The following CNTNAP2 variants were observed in gnomAD, a reference collection of about 807,000 sequenced individuals.
CNTNAP2 encodes the protein contactin associated protein 2.
CNTNAP2 carries 98 observed loss-of-function variants against 155.2 expected under a neutral mutation model. The observed-to-expected ratio is 0.63, with a 90% confidence interval of 0.54 to 0.75. The LOEUF is 0.75. CNTNAP2 is among the 30% of genes least tolerant of loss of function. The pLI, the probability that CNTNAP2 is intolerant of heterozygous loss-of-function variation, is 0.00. For missense variants in CNTNAP2, 1,727 were observed against 1,688.1 expected (o/e 1.02, Z -0.40); for synonymous variants, 651 against 631.2 (o/e 1.03, Z -0.47).
chr7:146,991,322 A>G (rs1348094551), intron 3 of CNTNAP2, among the ~76,000 whole-genome samples: 1 of 152,128 alleles, frequency 6.6e-6, no homozygotes, highest in Non-Finnish European at 1.5e-5. Context: ...AGAGAATTTA[A>G]TTCAAATGTA....
chr7:146,191,532 G>A (rs932733020), intron 1 of CNTNAP2, among the ~76,000 whole-genome samples: 5 of 149,744 alleles, frequency 3.3e-5, no homozygotes, highest in African/African-American at 1.2e-4. Context: ...TGCTAGGCAG[G>A]AATTTCCTCG....
chr7:146,678,283 G>A (rs1288136166), intron 1 of CNTNAP2, among the ~76,000 whole-genome samples: 1 of 151,802 alleles, frequency 6.6e-6, no homozygotes, highest in Non-Finnish European at 1.5e-5. Context: ...TGGCCGGGCT[G>A]GTTTAGTCTC....
chr7:146,617,242 C>T (rs1213964694), intron 1 of CNTNAP2, among the ~76,000 whole-genome samples: 2 of 152,146 alleles, frequency 1.3e-5, no homozygotes, highest in Admixed American at 1.3e-4. Context: ...ACCAAAGTTT[C>T]TTTGTCTATA....
At chr7:147,529,863 T>G (rs992928951) in intron 11 of CNTNAP2, among the ~76,000 whole-genome samples, 2 of 152,182 alleles carry the variant, frequency 1.3e-5, no homozygotes, top group African/African-American at 4.8e-5. Context: ...CATGAAAAAT[T>G]TATTCCAAAG....
intron 12 of CNTNAP2, among the ~76,000 whole-genome samples, chr7:147,570,224 T>C (rs1800261599): frequency 1.3e-5 from 2 of 152,310 alleles, no homozygotes; most frequent in Non-Finnish European, 1.5e-5. Flanking sequence ...CCCCATCATA[T>C]TTGATGGCCC....
rs528136771 is a variant in CNTNAP2, at chr7:146,781,454, T to C, written c.208+7073T>C. On this transcript the variant is annotated intron_variant, in intron 2 of 23. Coordinates refer to ENST00000361727, the MANE Select transcript of CNTNAP2 (RefSeq NM_014141.6). ...AAGTTCATAATTGCCACGATGCCTTTATACCACAGCTTGCTCAGATAATCA... is the reference window on the plus strand; with the variant it reads ...AAGTTCATAATTGCCACGATGCCTTCATACCACAGCTTGCTCAGATAATCA... Among the ~76,000 whole-genome samples the C allele has an allele frequency of 2.6e-5, 4 of 152,244 alleles. No homozygotes were observed. The South Asian group carries it at 8.3e-4, about 32-fold the overall frequency.
At chr7:147,382,431 G>C (rs1280984951) in intron 9 of CNTNAP2, among the ~76,000 whole-genome samples, 1 of 152,258 alleles carries the variant, frequency 6.6e-6, no homozygotes, top group East Asian at 1.9e-4. Context: ...GAAGTGCCAG[G>C]ATCAACTCTT....
At chr7:146,679,347 CTTTTTTTTTTTTT>C in intron 1 of CNTNAP2, among the ~76,000 whole-genome samples, 1 of 106,970 alleles carries the variant, frequency 9.3e-6, no homozygotes, top group East Asian at 2.9e-4. Flanking sequence ...GATCTTGTTT[CTTTTTTTTTTTTT>C]TTTTTTTGGA....
chr7:147,028,732 A>G (rs911501664), intron 3 of CNTNAP2, among the ~76,000 whole-genome samples: 1 of 152,194 alleles, frequency 6.6e-6, no homozygotes, highest in Non-Finnish European at 1.5e-5. Context: ...GAGGTCAGAA[A>G]ATAAATCTAG....
chr7:147,937,276 T>C (rs1800628614), intron 14 of CNTNAP2, among the ~76,000 whole-genome samples: 1 of 152,210 alleles, frequency 6.6e-6, no homozygotes, highest in Admixed American at 6.5e-5. Context: ...CAAATTTCCA[T>C]ATCCTTCATG....
At chr7:148,032,697 C>A (rs375150090) in intron 15 of CNTNAP2, among the ~76,000 whole-genome samples, 5 of 152,212 alleles carry the variant, frequency 3.3e-5, no homozygotes, top group African/African-American at 1.2e-4. Flanking sequence ...CCCACAGAAG[C>A]AGCAGCCCTT....
At chr7:147,569,566 A>C (rs1800244315) in intron 12 of CNTNAP2, among the ~76,000 whole-genome samples, 1 of 152,200 alleles carries the variant, frequency 6.6e-6, no homozygotes, top group Admixed American at 6.5e-5. Context: ...AGTATTCAGT[A>C]CAGTAATATG....
rs979848854 is a variant in CNTNAP2, at chr7:147,593,688, T to C, written c.1897+31431T>C. ...CTACTACTATTGTTGTTGTCATTTATCCTACAGGTAATCCTACTGTTTGAG... is the reference window on the plus strand; with the variant it reads ...CTACTACTATTGTTGTTGTCATTTACCCTACAGGTAATCCTACTGTTTGAG... On this transcript the variant is annotated intron_variant, in intron 12 of 23. Coordinates refer to ENST00000361727, the MANE Select transcript of CNTNAP2 (RefSeq NM_014141.6). Among the ~76,000 whole-genome samples the C allele has an allele frequency of 2.6e-5, 4 of 152,326 alleles. No homozygotes were observed. The South Asian group carries it at 8.3e-4, about 32-fold the overall frequency.
Position 146,152,741 on chromosome 7 carries a change from G to T in CNTNAP2, c.97+35768G>T, listed in dbSNP as rs535499724. Among the ~76,000 whole-genome samples, 110 of 152,164 alleles carry T rather than the reference G, an allele frequency of 7.2e-4. 1 individual carries two copies. Among genetic ancestry groups the T allele is most frequent in the South Asian group, 5.8e-3 (28 of 4,828 alleles). ...ATGGACAATATAACAGAAAATCTCT[G>T]CTAGATTGAACTTTGTGATGAACAC... On this transcript the variant is annotated intron_variant, in intron 1 of 23. Transcript: ENST00000361727.
At chr7:147,101,393 C>T (rs1389052354) in intron 4 of CNTNAP2, among the ~76,000 whole-genome samples, 8 of 152,318 alleles carry the variant, frequency 5.3e-5, no homozygotes, top group Admixed American at 4.6e-4. Flanking sequence ...TGCAGGTGAG[C>T]TGGAGCGAGC....
At position 147,142,951 on chromosome 7, in the gene CNTNAP2, A is replaced by G. The variant is rs116416929; in HGVS notation, c.1348+10442A>G. 3.7e-3 allele frequency among the ~76,000 whole-genome samples: 564 copies of G among 152,102 alleles called. 5 individuals carry two copies. The highest frequency in any genetic ancestry group is 0.013 in the African/African-American group (536 of 41,512). ...ATCATTTATTGCCCAATTTTAGTAT[A>G]CTTTCCTTCCCCAAACCCCAGGAAA... On this transcript the variant is annotated intron_variant, in intron 8 of 23. Transcript: ENST00000361727.
intron 3 of CNTNAP2, among the ~76,000 whole-genome samples, chr7:147,036,429 A>G (rs1330369224): frequency 6.6e-6 from 1 of 152,192 alleles, no homozygotes; most frequent in Non-Finnish European, 1.5e-5. Flanking sequence ...AAATTTTGGT[A>G]TGTATTTGTA....
intron 21 of CNTNAP2, chr7:148,381,348 G>A (rs920726308): frequency 6.6e-6 from 1 of 152,246 alleles, no homozygotes; most frequent in Non-Finnish European, 1.5e-5. Context: ...CAGGAGAAAT[G>A]ACATCACACA....
At chr7:147,065,455 C>T (rs1196871032) in intron 4 of CNTNAP2, among the ~76,000 whole-genome samples, 1 of 152,104 alleles carries the variant, frequency 6.6e-6, no homozygotes, top group Non-Finnish European at 1.5e-5. Flanking sequence ...TTCTTAAGTA[C>T]AATTTAAGAT....
Sources: allele counts gnomAD v4.1 joint callset (sites outside exome capture counted in the v4.1 genomes callset), GRCh38; gene constraint gnomAD v4.1.1; transcripts MANE v1.5; gene names NCBI Gene and HGNC (gene_info 2026-07-23, HGNC 2026-07-21).